The following VWF variants were observed in gnomAD, a reference collection of about 807,000 sequenced individuals.
VWF encodes Factor VIII related antigen.
A neutral mutation model predicts 308.6 loss-of-function variants in VWF; 176 were observed. That is an observed-to-expected ratio of 0.57 (90% CI 0.50 to 0.65). The LOEUF (loss-of-function observed/expected upper bound fraction) is 0.65, where lower values mean the gene tolerates loss of function less well. VWF is among the 30% of genes least tolerant of loss of function. The pLI is 0.00. For synonymous variants in VWF, 1,385 were observed against 1,443.4 expected (o/e 0.96, Z 0.92); for missense variants, 3,146 against 3,648.2 (o/e 0.86, Z 3.55).
rs779876879 is a variant in VWF at position 6,063,007 on chromosome 12, AG to A, written c.1479del (p.Tyr494ThrfsTer17). On this transcript the variant is annotated frameshift_variant, in exon 13 of 52. Transcript: ENST00000261405. LOFTEE classifies it high-confidence loss of function. This position sits in a 1 kb window ranked among gnomAD's most constrained non-coding sequence, Gnocchi z 4.9. ...QHTVTASVRL[S>X]YGEDLQMDWD... The stretch of plus-strand genomic sequence containing the variant: ...CAGTCCATCTGCAGGTCCTCCCCGT[AG>A]CTGAGGCGCACGGAGGCCGTCACTG... 1.2e-6 allele frequency: 2 copies of A among 1,613,712 alleles called. No individual in the cohort carries two copies. Among genetic ancestry groups the A allele is most frequent in the Non-Finnish European group, 1.7e-6 (2 of 1,180,024 alleles).
chr12:6,064,100 C>T, intron 12 of VWF, 146 bp downstream of exon 12: 1 of 1,330,234 alleles, frequency 7.5e-7, no homozygotes, highest in East Asian at 2.4e-5. Flanking sequence ...CCAAGCACCC[C>T]ACCCTGCCCT....
At chr12:5,986,650 T>C (rs1014298286) in intron 38 of VWF, among the ~76,000 whole-genome samples, 2 of 152,128 alleles carry the variant, frequency 1.3e-5, no homozygotes, top group African/African-American at 4.8e-5. Context: ...ACCCCTCTGG[T>C]CCTGCCCTTG....
chr12:6,034,863 C>T, intron 19 of VWF, 37 bp from the exon 20 acceptor site: 1 of 1,611,286 alleles, frequency 6.2e-7, no homozygotes, highest in South Asian at 1.1e-5. Context: ...AAGTTGGGCA[C>T]CTTGGGTTTG....
chr12:6,093,693 G>A (rs11829713), intron 6 of VWF, among the ~76,000 whole-genome samples: 17,799 of 152,260 alleles, frequency 0.12, 1,525 homozygotes, highest in African/African-American at 0.24. Flanking sequence ...CTCAGCCCAA[G>A]TCAGCCTGTT....
chr12:5,983,284 A>G (rs1416282542), intron 40 of VWF, 30 bp from the exon 41 acceptor site: 1 of 1,606,742 alleles, frequency 6.2e-7, no homozygotes, highest in Non-Finnish European at 8.5e-7. Flanking sequence ...ACGTCCATGC[A>G]GAGTTCAGAA....
At chr12:6,098,513 T>A (rs541174740) in intron 5 of VWF, among the ~76,000 whole-genome samples, 2 of 152,320 alleles carry the variant, frequency 1.3e-5, no homozygotes, top group South Asian at 4.2e-4. Flanking sequence ...GCGCAGTGGT[T>A]CATGCTTGTA....
chr12:6,059,099 C>T (rs2136457139), intron 13 of VWF, among the ~76,000 whole-genome samples: 1 of 152,252 alleles, frequency 6.6e-6, no homozygotes, highest in Non-Finnish European at 1.5e-5. Flanking sequence ...AGGTCCCAGG[C>T]CCATAGAAAT....
intron 10 of VWF, among the ~76,000 whole-genome samples, chr12:6,068,812 TCTTC>T (rs1434522860): frequency 1.6e-4 from 24 of 146,780 alleles, no homozygotes; most frequent in African/African-American, 6.4e-4. Context: ...TTTTTCTTTT[TCTTC>T]CTTTTTTTTT....
In VWF at chr12:6,103,763, A is replaced by G. The variant is rs111527919; in HGVS notation, c.532+6611T>C. ...CTCTCACCATATACAAAAAAAAATC[A>G]ACTCAAGATGTATTAAAGACTTGAA... On this transcript the variant is annotated intron_variant, in intron 5 of 51. Transcript: ENST00000261405. 7.9e-5 allele frequency among the ~76,000 whole-genome samples: 12 copies of G among 152,254 alleles called. 1 individual carries two copies. Among genetic ancestry groups the G allele is most frequent in the South Asian group, 6.2e-4 (3 of 4,826 alleles).
chr12:5,979,995 T>A (rs1591840446), intron 42 of VWF, among the ~76,000 whole-genome samples: 1 of 139,940 alleles, frequency 7.1e-6, no homozygotes, highest in Non-Finnish European at 1.5e-5. Context: ...GAGCCGAGAC[T>A]GCGCCACTGC....
chr12:6,123,326 C>T (rs958623593), intron 1 of VWF, 130 bp from the exon 2 acceptor site: 1 of 1,081,140 alleles, frequency 9.2e-7, no homozygotes, highest in Non-Finnish European at 1.4e-6. Flanking sequence ...TCCTCGTGAC[C>T]CCCTTTTCCC....
intron 27 of VWF, chr12:6,021,337 G>A (rs1944126865): frequency 6.3e-6 from 1 of 159,686 alleles, no homozygotes; most frequent in South Asian, 1.7e-4. Flanking sequence ...AGCTCACCCT[G>A]AGGACTCCTT....
rs1220579983 is a variant in VWF at position 6,073,665 on chromosome 12, G to A, written c.951C>T (p.Ile317=). Residue 317 remains isoleucine, a synonymous_variant, in exon 8 of 52, where the codon ATC becomes ATT. Transcript: ENST00000261405. ...PCARTCQSLH[I]NEMCQERCVD... ...CGCATCGCTCCTGACACATTTCATT[G>A]ATGTGCAGGCTCTGGCAGGTCCTGG... 1 of 1,613,984 alleles carries A rather than the reference G, an allele frequency of 6.2e-7. No homozygotes were observed. The highest frequency in any genetic ancestry group is 8.5e-7 in the Non-Finnish European group (1 of 1,180,046).
At chr12:5,998,761 CT>C (rs1261172484) in intron 34 of VWF, among the ~76,000 whole-genome samples, 10 of 151,964 alleles carry the variant, frequency 6.6e-5, no homozygotes, top group Non-Finnish European at 1.3e-4. Context: ...AAGTGTCACT[CT>C]TGTCACCAAG....
chr12:6,089,455 C>CTT (rs1243340017), intron 6 of VWF, among the ~76,000 whole-genome samples: 4 of 152,184 alleles, frequency 2.6e-5, no homozygotes, highest in African/African-American at 9.7e-5. Flanking sequence ...TTAGTAAGGA[C>CTT]TTTAATGCAC....
At chr12:6,039,457 A>T (rs911697065) in intron 18 of VWF, among the ~76,000 whole-genome samples, 7 of 152,010 alleles carry the variant, frequency 4.6e-5, no homozygotes, top group Non-Finnish European at 1.0e-4. Context: ...TCATTCTCCT[A>T]CCCCATCAGT....
intron 34 of VWF, among the ~76,000 whole-genome samples, chr12:6,008,837 C>G (rs1943960722): frequency 6.6e-6 from 1 of 152,150 alleles, no homozygotes; most frequent in Non-Finnish European, 1.5e-5. Context: ...AATACAAAAT[C>G]AACATACAAA....
chr12:6,038,385 A>G (rs1944360214), intron 18 of VWF, among the ~76,000 whole-genome samples: 1 of 152,240 alleles, frequency 6.6e-6, no homozygotes, highest in Non-Finnish European at 1.5e-5. Context: ...TCCAGGAAAC[A>G]GAGCCAGGCT....
chr12:5,965,400 T>G (rs992158467), intron 47 of VWF, among the ~76,000 whole-genome samples: 1 of 152,222 alleles, frequency 6.6e-6, no homozygotes, highest in African/African-American at 2.4e-5. Flanking sequence ...GGTTATTCAT[T>G]CACCATGCCC....
Sources: allele counts gnomAD v4.1 joint callset (sites outside exome capture counted in the v4.1 genomes callset), GRCh38; gene constraint gnomAD v4.1.1; non-coding constraint Gnocchi (gnomAD v3.1); transcripts MANE v1.5; gene names NCBI Gene and HGNC (gene_info 2026-07-23, HGNC 2026-07-21).